The following UNC13C variants were observed in gnomAD, a reference collection of about 807,000 sequenced individuals.
The protein encoded by UNC13C is unc-13 homolog C, also known as protein unc-13 homolog C.
Under a neutral mutation model 245.4 loss-of-function variants are expected in UNC13C, and 174 were observed. That is an observed-to-expected ratio of 0.71 (90% confidence interval 0.63 to 0.80). The LOEUF (loss-of-function observed/expected upper bound fraction) is 0.80. Among genes scored for constraint, UNC13C ranks in the 30% least tolerant of loss-of-function variants. The pLI, the probability that UNC13C is intolerant of heterozygous loss-of-function variation, is 0.00. For synonymous variants in UNC13C, 992 were observed against 895.1 expected, an observed-to-expected ratio of 1.11 and a Z score of -1.93; for missense variants, 2,829 against 2,602.9, an observed-to-expected ratio of 1.09 and a Z score of -1.89.
intron 2 of UNC13C, among the ~76,000 whole-genome samples, chr15:54,132,060 G>GTTTT (rs1555420947): frequency 2.8e-5 from 1 of 35,622 alleles, no homozygotes; most frequent in Non-Finnish European, 5.5e-5. Flanking sequence ...TTGCAATTCA[G>GTTTT]TTTTTTTCTT....
the UNC13C span, among the ~76,000 whole-genome samples, chr15:53,840,387 A>G: frequency 9.9e-5 from 15 of 152,210 alleles, no homozygotes; most frequent in Admixed American, 2.0e-4. Flanking sequence ...AGCGCTTGCA[A>G]TGGAGTTTGT....
At chr15:54,079,228 T>C (rs1898804673) in intron 2 of UNC13C, among the ~76,000 whole-genome samples, 1 of 152,154 alleles carries the variant, frequency 6.6e-6, no homozygotes, top group Non-Finnish European at 1.5e-5. Context: ...GTAGTATAGT[T>C]TGAAGTCAGG....
chr15:54,017,358 A>G (rs1022354557), intron 2 of UNC13C, among the ~76,000 whole-genome samples: 2 of 152,146 alleles, frequency 1.3e-5, no homozygotes, highest in African/African-American at 2.4e-5. Context: ...TGAGAGTCGG[A>G]TATCCTTGTT....
intron 9 of UNC13C, 85 bp downstream of exon 9, chr15:54,264,480 TA>T: frequency 9.5e-7 from 1 of 1,052,544 alleles, no homozygotes; most frequent in East Asian, 2.6e-5. Flanking sequence ...TAATTATAGG[TA>T]AAATAAATGG....
At chr15:54,499,577 T>A (rs1894106689) in intron 20 of UNC13C, among the ~76,000 whole-genome samples, 1 of 151,984 alleles carries the variant, frequency 6.6e-6, no homozygotes, top group Non-Finnish European at 1.5e-5. Flanking sequence ...TGGGCACACA[T>A]ACAGAAAAAA....
chr15:54,411,687 T>A (rs2040419588), intron 18 of UNC13C, among the ~76,000 whole-genome samples: 1 of 152,162 alleles, frequency 6.6e-6, no homozygotes, highest in South Asian at 2.1e-4. Flanking sequence ...GTTGAAGACA[T>A]TCTGTATAAA....
At chr15:54,484,572 A>G (rs140380945) in intron 19 of UNC13C, among the ~76,000 whole-genome samples, 76 of 152,338 alleles carry the variant, frequency 5.0e-4, no homozygotes, top group African/African-American at 1.5e-3. Flanking sequence ...TTGATCAAAT[A>G]TTTAGGATGT....
At chr15:54,386,099 A>G (rs1339945865) in intron 17 of UNC13C, among the ~76,000 whole-genome samples, 1 of 152,162 alleles carries the variant, frequency 6.6e-6, no homozygotes, top group East Asian at 1.9e-4. Context: ...ATGTGAGGTG[A>G]TGGTTGCCGT....
At chr15:54,248,723 T>C (rs948606262) in intron 7 of UNC13C, among the ~76,000 whole-genome samples, 10 of 152,210 alleles carry the variant, frequency 6.6e-5, no homozygotes, top group Non-Finnish European at 4.4e-5. Context: ...GTAGACTCAC[T>C]TGAAGTATAA....
At chr15:54,087,399 A>G (rs1296271605) in intron 2 of UNC13C, among the ~76,000 whole-genome samples, 4 of 152,196 alleles carry the variant, frequency 2.6e-5, no homozygotes, top group African/African-American at 9.6e-5. Flanking sequence ...GCATTTTTGC[A>G]AAACCTAACT....
At chr15:54,040,779 T>TGTCTGCAACTGAGCCTTA (rs1896777149) in intron 2 of UNC13C, among the ~76,000 whole-genome samples, 1 of 152,218 alleles carries the variant, frequency 6.6e-6, no homozygotes, top group Admixed American at 6.5e-5. Flanking sequence ...GTACTAACAG[T>TGTCTGCAACTGAGCCTTA]GTCTGCAACT....
chr15:54,128,411 G>A (rs948040035), intron 2 of UNC13C, among the ~76,000 whole-genome samples: 1 of 152,066 alleles, frequency 6.6e-6, no homozygotes, highest in Non-Finnish European at 1.5e-5. Flanking sequence ...GACATATTTA[G>A]AATTGTTTTA....
chr15:54,064,984 G>T (rs1898009543), intron 2 of UNC13C, among the ~76,000 whole-genome samples: 1 of 152,164 alleles, frequency 6.6e-6, no homozygotes, highest in South Asian at 2.1e-4. Flanking sequence ...TATTACTTTT[G>T]TTATAGAAAA....
chr15:54,369,212 T>C (rs1251101952), intron 17 of UNC13C, among the ~76,000 whole-genome samples: 1 of 151,024 alleles, frequency 6.6e-6, no homozygotes. Flanking sequence ...AAAAAAAAAG[T>C]TGAATGCTAG....
intron 24 of UNC13C, among the ~76,000 whole-genome samples, chr15:54,522,316 CA>C (rs35594697): frequency 3.2e-3 from 348 of 108,690 alleles, no homozygotes; most frequent in Admixed American, 3.2e-3. Context: ...ACTAAAAATA[CA>C]AAAAAAAAAA....
rs533042475 is a variant in UNC13C, at chr15:54,499,604, T to A, written c.5061-475T>A. Among the ~76,000 whole-genome samples, 7 of 152,146 alleles carry A rather than the reference T, an allele frequency of 4.6e-5. No individual in the cohort carries two copies. The East Asian group carries it at 1.2e-3, about 25-fold the overall frequency. ...CAGAAAAAAGAATTTATGCTCAGAATGGAGAAAAAAATATCCTACACAATT... is the reference window on the plus strand; with the variant it reads ...CAGAAAAAAGAATTTATGCTCAGAAAGGAGAAAAAAATATCCTACACAATT... On this transcript the variant is annotated intron_variant, in intron 20 of 32. Transcript: ENST00000260323.
intron 1 of UNC13C, among the ~76,000 whole-genome samples, chr15:53,993,486 G>T (rs528276330): frequency 6.6e-6 from 1 of 152,184 alleles, no homozygotes; most frequent in South Asian, 2.1e-4. Flanking sequence ...GGGGGTATCT[G>T]TGTGGCACGT....
intron 24 of UNC13C, among the ~76,000 whole-genome samples, chr15:54,517,734 A>G (rs1174694200): frequency 6.6e-6 from 1 of 152,186 alleles, no homozygotes; most frequent in Non-Finnish European, 1.5e-5. Context: ...AGATACATTA[A>G]TTACTAAGAT....
intron 29 of UNC13C, among the ~76,000 whole-genome samples, chr15:54,566,075 A>G (rs185803248): frequency 4.0e-4 from 60 of 151,228 alleles, no homozygotes; most frequent in African/African-American, 1.3e-3. Flanking sequence ...TTCCCCCCCT[A>G]CTCTTGGCTC....
Sources: gnomAD v4.1 joint callset for allele counts (sites outside exome capture counted in the v4.1 genomes callset) on GRCh38, gnomAD v4.1.1 for gene constraint, MANE v1.5 for transcripts, NCBI Gene and HGNC (gene_info 2026-07-23, HGNC 2026-07-21) for gene names.